NEMF: variants seen among roughly 807,000 people sequenced by gnomAD.
The protein encoded by NEMF is nuclear export mediator factor, also known as ribosome quality control complex subunit NEMF.
NEMF carries 89 observed loss-of-function variants against 162.2 expected under a neutral mutation model. The ratio of observed to expected loss-of-function variants is 0.55; its 90% CI spans 0.46 to 0.65. The LOEUF (loss-of-function observed/expected upper bound fraction) is 0.65. Ranked by LOEUF, NEMF falls within the 30% of genes least tolerant of loss-of-function variation. NEMF has a pLI of 0.00. For synonymous variants in NEMF, 421 were observed against 404.5 expected (o/e 1.04, Z -0.49); for missense variants, 1,133 against 1,261.9 (o/e 0.90, Z 1.55).
intron 7 of NEMF, 34 bp from the exon 8 acceptor site, chr14:49,833,530 G>A (rs746158526): frequency 2.8e-6 from 4 of 1,423,168 alleles, no homozygotes; most frequent in Non-Finnish European, 3.9e-6. Context: ...AAAAAGGAGT[G>A]CCAATCAAGT....
At chr14:49,812,192 T>C (rs901748302) in intron 18 of NEMF, among the ~76,000 whole-genome samples, 3 of 152,208 alleles carry the variant, frequency 2.0e-5, no homozygotes, top group Non-Finnish European at 2.9e-5. Flanking sequence ...GGTTACATAA[T>C]CTGTTGGTAT....
Position 49,814,914 on chromosome 14 carries a change from C to G in NEMF, c.1578-57G>C, listed in dbSNP as rs375103456. The G allele has an allele frequency of 3.1e-6, 3 of 975,504 alleles. No homozygotes were observed. The East Asian group carries it at 7.7e-5, about 25-fold the overall frequency. The allele number at this position is 975,504 out of a possible 1,614,324, so 60.4% of individuals were successfully genotyped here. A position where few individuals can be genotyped will look rare whatever the true frequency, so the allele number is the denominator to read the frequency against. On this transcript the variant is annotated intron_variant, in intron 16 of 32. Coordinates refer to ENST00000298310, the MANE Select transcript of NEMF (RefSeq NM_004713.6). Reference sequence around the variant, plus strand: ...TCTTTATAGCTGCCTGAATTCATACCCTTTTTGCAAACAAAACAAAACAGG... The same window carrying G: ...TCTTTATAGCTGCCTGAATTCATACGCTTTTTGCAAACAAAACAAAACAGG...
At chr14:49,837,628 A>G (rs1034268344) in intron 6 of NEMF, among the ~76,000 whole-genome samples, 2 of 152,150 alleles carry the variant, frequency 1.3e-5, no homozygotes, top group African/African-American at 4.8e-5. Flanking sequence ...TTCTAATTTC[A>G]TAAGAGAGGA....
intron 16 of NEMF, chr14:49,818,186 CA>C (rs1891816843): frequency 1.3e-5 from 2 of 149,520 alleles, no homozygotes; most frequent in African/African-American, 4.9e-5. Flanking sequence ...CTTCTGGGTT[CA>C]CGCCATTCTC....
At chr14:49,839,766 C>T (rs899110973) in intron 5 of NEMF, 21 of 152,126 alleles carry the variant, frequency 1.4e-4, no homozygotes, top group African/African-American at 4.6e-4. Flanking sequence ...TAGAACGAAA[C>T]AGAGATTAGC....
At chr14:49,796,346 A>G (rs1436465463) in intron 25 of NEMF, 1 of 456,020 alleles carries the variant, frequency 2.2e-6, no homozygotes, top group African/African-American at 2.0e-5. Context: ...GATTAAAAAT[A>G]CACAGGTTAA....
In NEMF at chr14:49,802,539, T is replaced by A; in HGVS notation, c.2009A>T (p.Glu670Val). 1.2e-6 allele frequency: 2 copies of A among 1,614,078 alleles called. No homozygotes were observed. The highest frequency in any genetic ancestry group is 1.7e-6 in the Non-Finnish European group (2 of 1,179,978). Reference protein sequence around the residue: ...DESCVWRHQGERKVRVQDEDM... With the variant: ...DESCVWRHQGVRKVRVQDEDM... ...TTCATCCTGTACTCTGACTTTTCGT[T>A]CACCCTGATGTCTCCAAACACAAGA... The change falls in exon 22 of 33, where the codon GAA (glutamate) becomes GTA (valine). Residue 670 changes from glutamate (E) to valine (V), a missense_variant. By Grantham distance (121) the Glu-to-Val change is moderately radical. Around this residue, in one of 3 missense-constraint regions of NEMF, gnomAD observed 532 missense variants for 578.6 expected, o/e 0.92. Coordinates refer to ENST00000298310, the MANE Select transcript of NEMF (RefSeq NM_004713.6).
intron 18 of NEMF, among the ~76,000 whole-genome samples, chr14:49,807,895 C>T (rs1361646906): frequency 6.6e-6 from 1 of 151,572 alleles, no homozygotes; most frequent in African/African-American, 2.4e-5. Context: ...TGAGCCACAG[C>T]GCCTGACTGG....
At chr14:49,838,623 C>T (rs1218553724) in intron 5 of NEMF, among the ~76,000 whole-genome samples, 5 of 134,828 alleles carry the variant, frequency 3.7e-5, no homozygotes, top group East Asian at 4.3e-4. Context: ...CTTGCTCTGT[C>T]GCCCAGGCTG....
chr14:49,808,006 T>A (rs1200792994), intron 18 of NEMF, among the ~76,000 whole-genome samples: 1 of 152,176 alleles, frequency 6.6e-6, no homozygotes, highest in Admixed American at 6.5e-5. Context: ...AAATATCCAT[T>A]CAAATCTCTT....
chr14:49,842,426 A>T (rs1444762710), intron 4 of NEMF, among the ~76,000 whole-genome samples: 1 of 152,218 alleles, frequency 6.6e-6, no homozygotes, highest in Non-Finnish European at 1.5e-5. Context: ...ATAAAAAAGA[A>T]GGGGGAACAT....
rs1485494237 is a variant in NEMF, at chr14:49,783,532, G to T, written c.*1104C>A. On this transcript the variant is annotated 3_prime_UTR_variant, in exon 33 of 33. Coordinates refer to ENST00000298310, the MANE Select transcript of NEMF (RefSeq NM_004713.6). ...CAGGTGCTGTCCAGTCAATTAAAAA[G>T]TTTTTTTTTAATTAATAGGTTTTAT... 6.6e-6 allele frequency: 1 copy of T among 151,234 alleles called. No individual in the cohort carries two copies. Among genetic ancestry groups the T allele is most frequent in the African/African-American group, 2.4e-5 (1 of 41,124 alleles). 9.4% of individuals were successfully genotyped at this position (151,234 alleles called of 1,614,324 possible). A position where few individuals can be genotyped will look rare whatever the true frequency, so the allele number is the denominator to read the frequency against.
chr14:49,850,862 C>G (rs3100889), intron 3 of NEMF, among the ~76,000 whole-genome samples: 1 of 152,132 alleles, frequency 6.6e-6, no homozygotes, highest in East Asian at 1.9e-4. Flanking sequence ...ATTTAGAAAT[C>G]AGGAAACCAT....
At chr14:49,786,630 C>G (rs1462809679) in intron 29 of NEMF, 88 bp downstream of exon 29, 7 of 1,327,716 alleles carry the variant, frequency 5.3e-6, no homozygotes, top group Non-Finnish European at 7.5e-6. Flanking sequence ...TCTTAGGTTT[C>G]TAAGTTTTAA....
In NEMF at chr14:49,844,772, T is replaced by C; in HGVS notation, c.357+1368A>G. ...ACACACACACACACACACATATATT[T>C]TTTTTTTCCTTTTTGAGACTGAATC... On this transcript the variant is annotated intron_variant, in intron 4 of 32. Transcript: ENST00000298310. The C allele has an allele frequency of 5.2e-6, 2 of 384,732 alleles. 1 individual carries two copies. Among genetic ancestry groups the C allele is most frequent in the Non-Finnish European group, 1.1e-5 (2 of 188,550 alleles). The allele number at this position is 384,732 out of a possible 1,614,324, so 23.8% of individuals were successfully genotyped here.
At chr14:49,826,740 T>G (rs536244531) in intron 15 of NEMF, among the ~76,000 whole-genome samples, 64 of 152,244 alleles carry the variant, frequency 4.2e-4, no homozygotes, top group African/African-American at 1.4e-3. Flanking sequence ...GATTCTACTT[T>G]CATGCAATCT....
At chr14:49,822,265 G>C (rs1248044890) in intron 16 of NEMF, among the ~76,000 whole-genome samples, 1 of 137,712 alleles carries the variant, frequency 7.3e-6, no homozygotes, top group Non-Finnish European at 1.5e-5. Context: ...CCCTCTGCGA[G>C]AAACACCCAA....
intron 26 of NEMF, among the ~76,000 whole-genome samples, chr14:49,792,885 G>A (rs573389147): frequency 2.6e-5 from 4 of 152,144 alleles, no homozygotes; most frequent in African/African-American, 9.6e-5. Flanking sequence ...GGAAGCTGAG[G>A]TATTAGGATG....
chr14:49,802,928 T>C lies in NEMF; in HGVS notation c.1916-201A>G, dbSNP rs538938421. ...ATTAAGAAGTAAAAAATATACACAC[T>C]TGCTCTGATATTCTGGGTCAGTCAG... On this transcript the variant is annotated intron_variant, in intron 20 of 32. Transcript: ENST00000298310. Among the ~76,000 whole-genome samples, 5 of 152,268 alleles carry C rather than the reference T, an allele frequency of 3.3e-5. No individual in the cohort carries two copies. In the South Asian group the frequency reaches 8.3e-4, roughly 25 times the overall value.
Sources: allele counts gnomAD v4.1 joint callset (sites outside exome capture counted in the v4.1 genomes callset), GRCh38; gene constraint gnomAD v4.1.1; regional missense constraint gnomAD v4.1.1; transcripts MANE v1.5; gene names NCBI Gene and HGNC (gene_info 2026-07-23, HGNC 2026-07-21).